ZNG1F: variants seen among roughly 807,000 people sequenced by gnomAD.
The protein encoded by ZNG1F is Zn regulated GTPase metalloprotein activator 1F.
At chr9:41,183,236 T>C in the ZNG1F span, among the ~76,000 whole-genome samples, 1 of 145,280 alleles carries the variant, frequency 6.9e-6, no homozygotes, top group South Asian at 2.2e-4. Context: ...TTTTATAAGG[T>C]TGAACACTTA....
chr9:41,193,886 A>C, the ZNG1F span, among the ~76,000 whole-genome samples: 938 of 145,970 alleles, frequency 6.4e-3, no homozygotes, highest in African/African-American at 7.9e-3. Context: ...GTGACAAAAA[A>C]ATAAAAAAGT....
At chr9:41,193,073 C>T in the ZNG1F span, among the ~76,000 whole-genome samples, 3 of 138,620 alleles carry the variant, frequency 2.2e-5, no homozygotes, top group Non-Finnish European at 3.1e-5. Flanking sequence ...ATTTGTGTGC[C>T]CATTTTATAG....
chr9:41,192,834 T>C, the ZNG1F span, among the ~76,000 whole-genome samples: 1 of 115,060 alleles, frequency 8.7e-6, no homozygotes, highest in Non-Finnish European at 1.8e-5. Flanking sequence ...AAAATGCCTT[T>C]TTAAATAAGT....
the ZNG1F span, among the ~76,000 whole-genome samples, chr9:41,154,937 G>C: frequency 2.0e-5 from 3 of 147,552 alleles, no homozygotes; most frequent in Non-Finnish European, 4.5e-5. Flanking sequence ...TCAGGACATA[G>C]GCATGGGCAA....
chr9:41,134,277 T>A, the ZNG1F span, among the ~76,000 whole-genome samples: 2 of 131,656 alleles, frequency 1.5e-5, no homozygotes, highest in African/African-American at 5.5e-5. Flanking sequence ...AAAAAAAAAA[T>A]ACAAAAGAAA....
the ZNG1F span, among the ~76,000 whole-genome samples, chr9:41,185,713 T>A: frequency 6.7e-6 from 1 of 149,210 alleles, no homozygotes; most frequent in Non-Finnish European, 1.5e-5. Flanking sequence ...TTTTTTCATA[T>A]GTCTAGATTT....
At chr9:41,154,761 C>A in the ZNG1F span, among the ~76,000 whole-genome samples, 1 of 150,158 alleles carries the variant, frequency 6.7e-6, no homozygotes, top group Non-Finnish European at 1.5e-5. Flanking sequence ...GGGAAAGATT[C>A]CCTATTTAAT....
the ZNG1F span, among the ~76,000 whole-genome samples, chr9:41,178,883 G>A: frequency 7.6e-6 from 1 of 131,876 alleles, no homozygotes; most frequent in Non-Finnish European, 1.6e-5. Flanking sequence ...GATTTTTAAT[G>A]GAGATGAAAT....
At chr9:41,154,793 C>T in the ZNG1F span, among the ~76,000 whole-genome samples, 2 of 150,238 alleles carry the variant, frequency 1.3e-5, no homozygotes, top group South Asian at 4.2e-4. Flanking sequence ...GGAAAACCGG[C>T]TAGCCATATG....
chr9:41,183,402 A>C, the ZNG1F span, among the ~76,000 whole-genome samples: 8 of 129,300 alleles, frequency 6.2e-5, no homozygotes, highest in Admixed American at 5.8e-4. Context: ...AGCAAGAAAC[A>C]CTTTAAGAAA....
At chr9:41,169,790 A>C in the ZNG1F span, among the ~76,000 whole-genome samples, 1 of 148,476 alleles carries the variant, frequency 6.7e-6, no homozygotes, top group Non-Finnish European at 1.5e-5. Context: ...TTGATAATGT[A>C]ATTCACACAC....
chr9:41,166,468 ATAT>A, the ZNG1F span, among the ~76,000 whole-genome samples: 3 of 141,592 alleles, frequency 2.1e-5, no homozygotes, highest in East Asian at 2.0e-4. Flanking sequence ...ATATATATAT[ATAT>A]ATAAAATCTT....
chr9:41,193,430 G>T, the ZNG1F span, among the ~76,000 whole-genome samples: 3 of 140,600 alleles, frequency 2.1e-5, no homozygotes, highest in Non-Finnish European at 3.1e-5. Flanking sequence ...AACCAAAATG[G>T]AGTCGCTCAT....
At chr9:41,155,247 T>C in the ZNG1F span, among the ~76,000 whole-genome samples, 2 of 150,258 alleles carry the variant, frequency 1.3e-5, no homozygotes, top group African/African-American at 2.5e-5. Flanking sequence ...AAAAAACACA[T>C]GAAAAAATGC....
chr9:41,141,184 C>T, the ZNG1F span, among the ~76,000 whole-genome samples: 1,183 of 151,742 alleles, frequency 7.8e-3, 2 homozygotes, highest in African/African-American at 0.027. Context: ...TGTTTTCCTA[C>T]ACCAATAAAC....
chr9:41,154,941 T>C, the ZNG1F span, among the ~76,000 whole-genome samples: 1 of 146,640 alleles, frequency 6.8e-6, no homozygotes, highest in Non-Finnish European at 1.5e-5. Context: ...GACATAGGCA[T>C]GGGCAAGGAC....
At chr9:41,169,817 A>G in the ZNG1F span, among the ~76,000 whole-genome samples, 2 of 147,784 alleles carry the variant, frequency 1.4e-5, no homozygotes, top group African/African-American at 5.1e-5. Flanking sequence ...CCTTAAATAT[A>G]TATAGTTTTT....
chr9:41,151,392 G>A, the ZNG1F span, among the ~76,000 whole-genome samples: 8 of 150,294 alleles, frequency 5.3e-5, no homozygotes, highest in African/African-American at 2.0e-4. Context: ...ACCTGAAAGT[G>A]ACAGGGAGAA....
chr9:41,137,325 G>A, the ZNG1F span, among the ~76,000 whole-genome samples: 1 of 145,244 alleles, frequency 6.9e-6, no homozygotes, highest in African/African-American at 2.5e-5. Context: ...TTCCACTGTG[G>A]TCTGAGAAAG....
Sources: gnomAD v4.1 joint callset for allele counts (sites outside exome capture counted in the v4.1 genomes callset) on GRCh38, gnomAD v4.1.1 for gene constraint, MANE v1.5 for transcripts, NCBI Gene and HGNC (gene_info 2026-07-23, HGNC 2026-07-21) for gene names.